MYRIP: variants seen among roughly 807,000 people sequenced by gnomAD.
MYRIP encodes rab effector MyRIP.
MYRIP carries 49 observed loss-of-function variants against 98.0 expected under a neutral mutation model. The ratio of observed to expected loss-of-function variants is 0.50; its 90% CI spans 0.40 to 0.63. MYRIP has a LOEUF of 0.63. MYRIP is among the 30% of genes least tolerant of loss of function. The pLI, the probability that MYRIP is intolerant of heterozygous loss-of-function variation, is 0.00. For synonymous variants in MYRIP, 404 were observed against 409.5 expected (o/e 0.99, Z 0.16); for missense variants, 1,004 against 1,058.2 (o/e 0.95, Z 0.71).
chr3:40,259,983 A>C lies in MYRIP; in HGVS notation c.*1817A>C, dbSNP rs1129016. On this transcript the variant is annotated 3_prime_UTR_variant, in exon 17 of 17. Transcript: ENST00000302541. ...TTGCAAACAAAAAACAACAAAAAAGAAGCAGCAGCAGCAGCCTGCTGTGTG... is the reference window on the plus strand; with the variant it reads ...TTGCAAACAAAAAACAACAAAAAAGCAGCAGCAGCAGCAGCCTGCTGTGTG... 712 of 152,578 alleles carry C rather than the reference A, an allele frequency of 4.7e-3. 5 individuals carry two copies. Among genetic ancestry groups the C allele is most frequent in the Admixed American group, 7.6e-3 (116 of 15,304 alleles). The allele number at this position is 152,578 out of a possible 1,614,324, so 9.5% of individuals were successfully genotyped here. A position where few individuals can be genotyped will look rare whatever the true frequency, so the allele number is the denominator to read the frequency against.
intron 3 of MYRIP, among the ~76,000 whole-genome samples, chr3:40,048,382 C>G (rs752053257): frequency 2.6e-5 from 4 of 152,044 alleles, no homozygotes; most frequent in Non-Finnish European, 5.9e-5. Flanking sequence ...ATACTGTGGG[C>G]TATGAATAAT....
At chr3:39,960,290 C>T (rs1945289945) in intron 2 of MYRIP, among the ~76,000 whole-genome samples, 1 of 152,068 alleles carries the variant, frequency 6.6e-6, no homozygotes, top group African/African-American at 2.4e-5. Flanking sequence ...CTGCACCTCC[C>T]CAAAGCCCAT....
intron 2 of MYRIP, among the ~76,000 whole-genome samples, chr3:39,927,246 T>G (rs1275322627): frequency 6.6e-6 from 1 of 152,064 alleles, no homozygotes; most frequent in East Asian, 1.9e-4. Flanking sequence ...AGGATTTTTT[T>G]AGGTATAGAA....
At chr3:40,242,212 A>T (rs1452870683) in intron 12 of MYRIP, 1 of 152,246 alleles carries the variant, frequency 6.6e-6, no homozygotes, top group Admixed American at 6.5e-5. Flanking sequence ...AGCATATATA[A>T]GTCACATAAA....
chr3:40,031,617 A>C (rs1947262788), intron 2 of MYRIP, among the ~76,000 whole-genome samples: 1 of 152,144 alleles, frequency 6.6e-6, no homozygotes, highest in Non-Finnish European at 1.5e-5. Flanking sequence ...TCTACAAAAA[A>C]AGTTTCTTTA....
At chr3:39,809,544 C>A (rs1406833053), upstream of MYRIP, 3 of 150,466 alleles carry the variant, frequency 2.0e-5, no homozygotes. Context: ...CCGCAGGCTC[C>A]CCCGCTCCGG....
chr3:40,014,247 A>T (rs975102088), intron 2 of MYRIP, among the ~76,000 whole-genome samples: 4 of 152,258 alleles, frequency 2.6e-5, no homozygotes, highest in African/African-American at 9.6e-5. Flanking sequence ...AAATCTTAAA[A>T]GGCTCCTTTG....
chr3:39,916,616 G>A (rs1241294807), intron 2 of MYRIP, among the ~76,000 whole-genome samples: 1 of 151,970 alleles, frequency 6.6e-6, no homozygotes, highest in Non-Finnish European at 1.5e-5. Context: ...TAGTTACCAT[G>A]TTCTTTGGGT....
At position 40,259,582 on chromosome 3, in the gene MYRIP, C is replaced by A. The variant is rs1396863137; in HGVS notation, c.*1416C>A. 1 of 152,212 alleles carries A rather than the reference C, an allele frequency of 6.6e-6. No individual in the cohort carries two copies. The highest frequency in any genetic ancestry group is 2.4e-5 in the African/African-American group (1 of 41,454). 9.4% of individuals were successfully genotyped at this position (152,212 alleles called of 1,614,324 possible). A position where few individuals can be genotyped will look rare whatever the true frequency, so the allele number is the denominator to read the frequency against. ...TATGATTGGAATGCATCACAAAAGCCTAACTCTGTTGTTTTCAACCTCTAC... is the reference window on the plus strand; with the variant it reads ...TATGATTGGAATGCATCACAAAAGCATAACTCTGTTGTTTTCAACCTCTAC... On this transcript the variant is annotated 3_prime_UTR_variant, in exon 17 of 17. Coordinates refer to ENST00000302541, the MANE Select transcript of MYRIP (RefSeq NM_015460.4).
intron 2 of MYRIP, among the ~76,000 whole-genome samples, chr3:39,914,615 G>A (rs895674259): frequency 2.0e-5 from 3 of 151,970 alleles, no homozygotes; most frequent in Non-Finnish European, 4.4e-5. Flanking sequence ...AATTTGACAT[G>A]AAACTTTTTA....
chr3:40,055,721 G>C (rs780496225), intron 3 of MYRIP, among the ~76,000 whole-genome samples: 4 of 152,016 alleles, frequency 2.6e-5, no homozygotes, highest in Non-Finnish European at 2.9e-5. Flanking sequence ...CATATGTTTT[G>C]GTTGAGGAGT....
intron 2 of MYRIP, among the ~76,000 whole-genome samples, chr3:40,026,966 G>C (rs367549120): frequency 2.1e-4 from 32 of 151,972 alleles, no homozygotes; most frequent in African/African-American, 7.5e-4. Context: ...ATCCCTCTAG[G>C]GTGGCTCATC....
rs145758056 is a variant in MYRIP, at chr3:40,095,736, C to T, written c.332+51465C>T. Among the ~76,000 whole-genome samples, 185 of 152,004 alleles carry T rather than the reference C, an allele frequency of 1.2e-3. 1 individual carries two copies. The highest frequency in any genetic ancestry group is 2.2e-3 in the Non-Finnish European group (151 of 67,934). On this transcript the variant is annotated intron_variant, in intron 3 of 16. Coordinates refer to ENST00000302541, the MANE Select transcript of MYRIP (RefSeq NM_015460.4). ...AACACTGCCATCTCTCTGCCTCCCT[C>T]GATTCTGCCCTTCCTCCCTCTTTCC...
chr3:39,854,935 G>T (rs1350808893), intron 1 of MYRIP, among the ~76,000 whole-genome samples: 1 of 152,162 alleles, frequency 6.6e-6, no homozygotes, highest in African/African-American at 2.4e-5. Context: ...ACCCAGAGGG[G>T]CAACCAGGCT....
chr3:40,028,212 T>C (rs1398373611), intron 2 of MYRIP, among the ~76,000 whole-genome samples: 5 of 152,098 alleles, frequency 3.3e-5, no homozygotes, highest in African/African-American at 1.2e-4. Context: ...CAAGAGACCA[T>C]GAAATGTTAA....
Position 40,167,181 on chromosome 3 carries a change from A to G in MYRIP, c.671A>G (p.Tyr224Cys). The G allele has an allele frequency of 2.5e-6, 4 of 1,614,148 alleles. No homozygotes were observed. The highest frequency in any genetic ancestry group is 3.4e-6 in the Non-Finnish European group (4 of 1,180,030). Residue 224 changes from tyrosine (Y) to cysteine (C), a missense_variant, in exon 7 of 17, where the codon TAC becomes TGC. This residue lies in a region of MYRIP where 880 missense variants were observed against 907.7 expected (regional missense o/e 0.97). Transcript: ENST00000302541. ...DSLDKQNEAS[Y>C]LRDHKEELTE... Reference sequence around the variant, plus strand: ...CAGGACAAGCAAAATGAGGCCAGTTACCTGCGGGACCACAAGGAGGAGCTA... The same window carrying G: ...CAGGACAAGCAAAATGAGGCCAGTTGCCTGCGGGACCACAAGGAGGAGCTA...
chr3:39,891,120 AC>A (rs552611302), intron 1 of MYRIP, among the ~76,000 whole-genome samples: 242 of 152,134 alleles, frequency 1.6e-3, no homozygotes, highest in African/African-American at 5.4e-3. Context: ...TGCTTTTTAA[AC>A]AATTTTCAAT....
chr3:39,924,947 A>T (rs545967432), intron 2 of MYRIP, among the ~76,000 whole-genome samples: 1 of 151,972 alleles, frequency 6.6e-6, no homozygotes, highest in African/African-American at 2.4e-5. Flanking sequence ...AATTTATGGG[A>T]AACTGCTAAA....
intron 2 of MYRIP, among the ~76,000 whole-genome samples, chr3:40,006,829 A>G (rs1406711413): frequency 6.6e-6 from 1 of 152,216 alleles, no homozygotes; most frequent in Non-Finnish European, 1.5e-5. Context: ...TGTTCCCTTA[A>G]GCAGCTAAAT....
Sources: gnomAD v4.1 joint callset for allele counts (sites outside exome capture counted in the v4.1 genomes callset) on GRCh38, gnomAD v4.1.1 for gene constraint, gnomAD v4.1.1 regional missense constraint, MANE v1.5 for transcripts, NCBI Gene and HGNC (gene_info 2026-07-23, HGNC 2026-07-21) for gene names.